Variants in TRABD2B observed in about 807,000 individuals in gnomAD.
TRABD2B encodes the protein metalloprotease TIKI2.
TRABD2B carries 14 observed loss-of-function variants against 40.1 expected under a neutral mutation model. The observed-to-expected ratio is 0.35, with a 90% CI of 0.23 to 0.55. The LOEUF (loss-of-function observed/expected upper bound fraction) is 0.55, where lower values mean the gene tolerates loss of function less well. TRABD2B is among the 20% of genes least tolerant of loss of function. The probability of loss-of-function intolerance (pLI) is 0.90; values close to 1 mark genes in which losing one functional copy is unlikely to be tolerated. For missense variants in TRABD2B, 541 were observed against 648.6 expected (o/e 0.83, Z 1.80); for synonymous variants, 263 against 277.0 (o/e 0.95, Z 0.50).
intron 2 of TRABD2B, among the ~76,000 whole-genome samples, chr1:47,869,818 C>T (rs1016918201): frequency 2.6e-5 from 4 of 152,190 alleles, no homozygotes; most frequent in Non-Finnish European, 5.9e-5. Context: ...CAAGGCAAAT[C>T]AAAAGCAAAG....
chr1:47,782,835 A>G (rs1228200766), intron 4 of TRABD2B, among the ~76,000 whole-genome samples: 1 of 152,212 alleles, frequency 6.6e-6, no homozygotes, highest in East Asian at 1.9e-4. Flanking sequence ...AGTCATGGAA[A>G]GTCTCCAAAG....
intron 2 of TRABD2B, among the ~76,000 whole-genome samples, chr1:47,954,588 G>C (rs1287706211): frequency 6.6e-6 from 1 of 152,182 alleles, no homozygotes; most frequent in Non-Finnish European, 1.5e-5. Flanking sequence ...TTCAAGGAGA[G>C]ACAACAAACA....
At chr1:47,952,444 G>A (rs2148386216) in intron 2 of TRABD2B, among the ~76,000 whole-genome samples, 1 of 152,302 alleles carries the variant, frequency 6.6e-6, no homozygotes, top group South Asian at 2.1e-4. Flanking sequence ...GGGCAGCCAA[G>A]CCCACAATGG....
intron 2 of TRABD2B, among the ~76,000 whole-genome samples, chr1:47,913,842 A>G (rs2124712866): frequency 6.6e-6 from 1 of 152,300 alleles, no homozygotes; most frequent in Non-Finnish European, 1.5e-5. Flanking sequence ...GTGCCTACAC[A>G]GGAAAACTCA....
At chr1:47,807,325 A>C (rs1412148561) in intron 2 of TRABD2B, among the ~76,000 whole-genome samples, 1 of 152,228 alleles carries the variant, frequency 6.6e-6, no homozygotes, top group South Asian at 2.1e-4. Flanking sequence ...TCTGGAATGC[A>C]GGAGACCTTT....
intron 2 of TRABD2B, among the ~76,000 whole-genome samples, chr1:47,919,942 A>C (rs1366494585): frequency 6.6e-6 from 1 of 152,188 alleles, no homozygotes; most frequent in Non-Finnish European, 1.5e-5. Context: ...AGCATTAGTG[A>C]TTGTTCCTTT....
At chr1:47,796,805 G>C (rs888359243) in intron 3 of TRABD2B, among the ~76,000 whole-genome samples, 2 of 152,146 alleles carry the variant, frequency 1.3e-5, no homozygotes, top group Non-Finnish European at 2.9e-5. Context: ...CTTTGAAAGC[G>C]ATAATTGGAA....
intron 2 of TRABD2B, among the ~76,000 whole-genome samples, chr1:47,983,294 C>A (rs985405560): frequency 6.6e-6 from 1 of 152,106 alleles, no homozygotes; most frequent in Non-Finnish European, 1.5e-5. Context: ...AACTCAGGAA[C>A]ACAAAGAAGG....
At chr1:47,820,781 AC>A (rs1413895494) in intron 2 of TRABD2B, among the ~76,000 whole-genome samples, 4 of 76,496 alleles carry the variant, frequency 5.2e-5, no homozygotes, top group African/African-American at 1.1e-4. Flanking sequence ...GTTCACACAC[AC>A]CACACACACA....
intron 2 of TRABD2B, among the ~76,000 whole-genome samples, chr1:47,804,793 T>C (rs1223289438): frequency 6.6e-6 from 1 of 152,224 alleles, no homozygotes; most frequent in Non-Finnish European, 1.5e-5. Context: ...GGAGGTCATC[T>C]GGTCCAGAGG....
intron 2 of TRABD2B, among the ~76,000 whole-genome samples, chr1:47,880,056 T>C (rs1338991191): frequency 2.0e-5 from 3 of 152,250 alleles, no homozygotes; most frequent in African/African-American, 7.2e-5. Context: ...ACGCCTGTAA[T>C]CCCGGCATTT....
chr1:47,952,364 G>A (rs1255459651), intron 2 of TRABD2B, among the ~76,000 whole-genome samples: 1 of 152,090 alleles, frequency 6.6e-6, no homozygotes, highest in African/African-American at 2.4e-5. Context: ...AGCCTCTGCT[G>A]CCCATTCTGA....
chr1:47,970,108 C>T (rs1288015276), intron 2 of TRABD2B, among the ~76,000 whole-genome samples: 1 of 151,986 alleles, frequency 6.6e-6, no homozygotes, highest in Non-Finnish European at 1.5e-5. Context: ...AATGGGTAAA[C>T]GGATGACTTA....
chr1:47,864,303 T>C (rs1644022201), intron 2 of TRABD2B, among the ~76,000 whole-genome samples: 1 of 151,980 alleles, frequency 6.6e-6, no homozygotes, highest in Admixed American at 6.6e-5. Context: ...TGGACACATG[T>C]CCATCATTGG....
intron 6 of TRABD2B, among the ~76,000 whole-genome samples, chr1:47,768,847 G>A (rs915682135): frequency 2.4e-4 from 36 of 152,188 alleles, no homozygotes; most frequent in African/African-American, 7.0e-4. Context: ...TGCTATACAC[G>A]TGTTATGTTA....
At chr1:47,825,839 C>T (rs968944836) in intron 2 of TRABD2B, among the ~76,000 whole-genome samples, 1 of 149,640 alleles carries the variant, frequency 6.7e-6, no homozygotes, top group African/African-American at 2.5e-5. Context: ...GTGTGTAGGG[C>T]CTTGGACTGG....
chr1:47,925,888 C>T lies in TRABD2B; in HGVS notation c.666+68146G>A, dbSNP rs761316799. Among the ~76,000 whole-genome samples the T allele has an allele frequency of 2.2e-4, 33 of 152,228 alleles. 1 individual carries two copies. The highest frequency in any genetic ancestry group is 6.5e-5 in the Admixed American group (1 of 15,284). ...AGGAGGAGAGGGATTAAAGAAGAGGCTGGTATATATCTTCCTTTATTTATA... is the reference window on the plus strand; with the variant it reads ...AGGAGGAGAGGGATTAAAGAAGAGGTTGGTATATATCTTCCTTTATTTATA... On this transcript the variant is annotated intron_variant, in intron 2 of 6. Transcript: ENST00000606738.
intron 2 of TRABD2B, among the ~76,000 whole-genome samples, chr1:47,953,372 T>G (rs1296444203): frequency 3.3e-5 from 5 of 152,174 alleles, no homozygotes. Context: ...TGACATCATG[T>G]CAAACATTTC....
In TRABD2B at chr1:47,848,092, C is replaced by T. The variant is rs7512742; in HGVS notation, c.667-46473G>A. Among the ~76,000 whole-genome samples, 686 of 152,304 alleles carry T rather than the reference C, an allele frequency of 4.5e-3. 4 individuals are homozygous for T. The highest frequency in any genetic ancestry group is 0.016 in the African/African-American group (660 of 41,562). On this transcript the variant is annotated intron_variant, in intron 2 of 6. Coordinates refer to ENST00000606738, the MANE Select transcript of TRABD2B (RefSeq NM_001194986.2). ...AAGGAAGCAAGACTAGAGAAGACAG[C>T]CTCCCCTGACTCAAGGACCCCAGCC...
Sources: allele counts gnomAD v4.1 joint callset (sites outside exome capture counted in the v4.1 genomes callset), GRCh38; gene constraint gnomAD v4.1.1; transcripts MANE v1.5; gene names NCBI Gene and HGNC (gene_info 2026-07-23, HGNC 2026-07-21).